KLHL3: variants seen among roughly 807,000 people sequenced by gnomAD.
KLHL3 encodes the protein kelch-like protein 3.
KLHL3 carries 19 observed loss-of-function variants against 70.5 expected under a neutral mutation model. That is an observed-to-expected ratio of 0.27 (90% CI 0.19 to 0.40). The LOEUF (loss-of-function observed/expected upper bound fraction) is 0.40, where lower values mean the gene tolerates loss of function less well. Ranked by LOEUF, KLHL3 falls within the 10% of genes least tolerant of loss-of-function variation. The pLI is 1.00. For missense variants in KLHL3, 512 were observed against 771.1 expected, an observed-to-expected ratio of 0.66 and a Z score of 3.98; for synonymous variants, 258 against 290.3, an observed-to-expected ratio of 0.89 and a Z score of 1.13.
At chr5:137,657,382 C>T (rs1200012712) in intron 8 of KLHL3, among the ~76,000 whole-genome samples, 3 of 152,170 alleles carry the variant, frequency 2.0e-5, no homozygotes, top group Non-Finnish European at 2.9e-5. Flanking sequence ...ACTCCTAAAA[C>T]GACTACTTTG....
At chr5:137,712,191 G>A (rs888639921) in intron 2 of KLHL3, among the ~76,000 whole-genome samples, 13 of 147,216 alleles carry the variant, frequency 8.8e-5, no homozygotes, top group Non-Finnish European at 1.8e-4. Flanking sequence ...AAGAGTAACC[G>A]GTTATATTTT....
intron 4 of KLHL3, among the ~76,000 whole-genome samples, chr5:137,697,161 C>CTTTTT (rs57501372): frequency 6.8e-6 from 1 of 146,690 alleles, no homozygotes. Context: ...TCTTCCCAAT[C>CTTTTT]TTTTTTTTTT....
intron 1 of KLHL3, chr5:137,725,149 C>G: frequency 3.0e-6 from 2 of 664,992 alleles, no homozygotes; most frequent in Non-Finnish European, 3.7e-6. Flanking sequence ...GTTCTTATTT[C>G]CAAATAAGGC....
Position 137,634,053 on chromosome 5 carries a change from G to A in KLHL3, c.1434C>T (p.Thr478=). ...NEWIYVADMS[T]RRSGAGVGVL... ...CTCCCATACCTGCGCCACTGCGGCG[G>A]GTGCTCATGTCCGCCACGTATATCC... The change falls in exon 12 of 15, where the codon ACC becomes ACT. Residue 478 remains threonine (T), a synonymous_variant. Transcript: ENST00000309755. 6.2e-7 allele frequency: 1 copy of A among 1,614,188 alleles called. No individual in the cohort carries two copies. The highest frequency in any genetic ancestry group is 8.5e-7 in the Non-Finnish European group (1 of 1,180,040).
chr5:137,648,720 T>C (rs1404730986), intron 8 of KLHL3, among the ~76,000 whole-genome samples: 1 of 152,222 alleles, frequency 6.6e-6, no homozygotes, highest in Non-Finnish European at 1.5e-5. Flanking sequence ...CAGAGTCCTG[T>C]TCCTCTCAGG....
At chr5:137,667,365 T>C (rs576538353) in intron 6 of KLHL3, among the ~76,000 whole-genome samples, 1 of 152,240 alleles carries the variant, frequency 6.6e-6, no homozygotes, top group Non-Finnish European at 1.5e-5. Context: ...CAGCTGCTCA[T>C]AGGTACACTT....
chr5:137,646,511 G>C (rs182030460), intron 8 of KLHL3, among the ~76,000 whole-genome samples: 3 of 152,278 alleles, frequency 2.0e-5, no homozygotes, highest in Admixed American at 1.3e-4. Context: ...ATGGATACCT[G>C]ATGTTAGCAA....
At position 137,622,039 on chromosome 5, in the gene KLHL3, G is replaced by T; in HGVS notation, c.*59C>A. ...TGAATCCAGTCACCAAGGTCCTGCT[G>T]TTCAGAGTCACAGGCAGCACCTGCT... On this transcript the variant is annotated 3_prime_UTR_variant, in exon 15 of 15. Transcript: ENST00000309755. The T allele has an allele frequency of 6.3e-7, 1 of 1,581,360 alleles. No individual in the cohort carries two copies. Among genetic ancestry groups the T allele is most frequent in the Non-Finnish European group, 8.7e-7 (1 of 1,150,058 alleles).
At chr5:137,683,200 T>C (rs1752077725) in intron 5 of KLHL3, among the ~76,000 whole-genome samples, 1 of 152,162 alleles carries the variant, frequency 6.6e-6, no homozygotes, top group South Asian at 2.1e-4. Flanking sequence ...ATGGTGCCTC[T>C]TCCTCTTCTC....
chr5:137,670,441 T>C (rs1212083003), intron 6 of KLHL3, among the ~76,000 whole-genome samples: 2 of 151,652 alleles, frequency 1.3e-5, no homozygotes, highest in African/African-American at 4.8e-5. Context: ...CTCTACTCTA[T>C]AATGTGTTCC....
intron 6 of KLHL3, among the ~76,000 whole-genome samples, chr5:137,670,107 C>T (rs1751715758): frequency 6.6e-6 from 1 of 152,158 alleles, no homozygotes; most frequent in Admixed American, 6.5e-5. Flanking sequence ...AAGGGAAAGA[C>T]AGGGAGTAAA....
chr5:137,633,307 A>G (rs1213591318), intron 12 of KLHL3, among the ~76,000 whole-genome samples: 1 of 145,876 alleles, frequency 6.9e-6, no homozygotes, highest in African/African-American at 2.5e-5. Flanking sequence ...AAAAAAGTTT[A>G]AAAAAAAAAA....
intron 4 of KLHL3, among the ~76,000 whole-genome samples, chr5:137,694,369 C>A (rs1346095539): frequency 1.3e-5 from 2 of 152,142 alleles, no homozygotes; most frequent in Non-Finnish European, 2.9e-5. Flanking sequence ...GATAAAATCA[C>A]CCTCTTCTGA....
At chr5:137,732,779 C>G (rs1340809188) in intron 1 of KLHL3, among the ~76,000 whole-genome samples, 1 of 152,196 alleles carries the variant, frequency 6.6e-6, no homozygotes. Context: ...AAAAACTTTA[C>G]TAGGTACCTT....
chr5:137,678,950 C>T (rs11747372), intron 5 of KLHL3, among the ~76,000 whole-genome samples: 17 of 151,738 alleles, frequency 1.1e-4, no homozygotes, highest in East Asian at 3.9e-4. Flanking sequence ...AGTTTTTTTA[C>T]GAAGGAAACC....
intron 11 of KLHL3, among the ~76,000 whole-genome samples, chr5:137,635,114 A>T (rs944856669): frequency 1.1e-4 from 17 of 152,230 alleles, no homozygotes; most frequent in Non-Finnish European, 1.9e-4. Flanking sequence ...AGACACCAAG[A>T]ATACTACTAG....
At chr5:137,661,883 C>G (rs763971207) in intron 7 of KLHL3, 32 bp downstream of exon 7, 1 of 1,224,590 alleles carries the variant, frequency 8.2e-7, no homozygotes, top group East Asian at 2.3e-5. Context: ...TGGGTGAACA[C>G]AGAAGTGCTT....
intron 5 of KLHL3, among the ~76,000 whole-genome samples, chr5:137,680,575 G>A (rs1281055842): frequency 2.0e-5 from 3 of 147,016 alleles, no homozygotes; most frequent in African/African-American, 5.0e-5. Context: ...ACAGAGTTTC[G>A]CTATTTGCCC....
chr5:137,724,122 TA>T (rs1336528698), intron 1 of KLHL3, among the ~76,000 whole-genome samples: 4 of 152,242 alleles, frequency 2.6e-5, no homozygotes, highest in Non-Finnish European at 4.4e-5. Flanking sequence ...ATCCTTCGGA[TA>T]AATCTATAAA....
Sources: gnomAD v4.1 joint callset for allele counts (sites outside exome capture counted in the v4.1 genomes callset) on GRCh38, gnomAD v4.1.1 for gene constraint, MANE v1.5 for transcripts, NCBI Gene and HGNC (gene_info 2026-07-23, HGNC 2026-07-21) for gene names.